STON2: variants seen among roughly 807,000 people sequenced by gnomAD.
STON2 encodes stonin-2.
Under a neutral mutation model 65.7 loss-of-function variants are expected in STON2, and 29 were observed. The ratio of observed to expected loss-of-function variants is 0.44; its 90% CI spans 0.33 to 0.60. STON2 has a LOEUF of 0.60. Among genes scored for constraint, STON2 ranks in the 20% least tolerant of loss-of-function variants. The probability of loss-of-function intolerance (pLI) is 0.03; values close to 1 mark genes in which losing one functional copy is unlikely to be tolerated. For synonymous variants in STON2, 404 were observed against 414.2 expected (o/e 0.98, Z 0.30); for missense variants, 1,054 against 1,118.1 (o/e 0.94, Z 0.82).
At chr14:81,431,941 A>G (rs1360730215) in intron 1 of STON2, among the ~76,000 whole-genome samples, 1 of 152,068 alleles carries the variant, frequency 6.6e-6, no homozygotes, top group East Asian at 1.9e-4. Context: ...GCAAAACTCT[A>G]TCTCAAAAAA....
intron 4 of STON2, among the ~76,000 whole-genome samples, chr14:81,348,905 A>T (rs1441104777): frequency 6.6e-6 from 1 of 152,086 alleles, no homozygotes; most frequent in Non-Finnish European, 1.5e-5. Flanking sequence ...CAGACCCATA[A>T]GGCCAATGGA....
At chr14:81,408,157 A>ACACACACACACACACACACGCG (rs147841517) in intron 2 of STON2, among the ~76,000 whole-genome samples, 1 of 150,410 alleles carries the variant, frequency 6.6e-6, no homozygotes, top group Non-Finnish European at 1.5e-5. Flanking sequence ...ACACACACAC[A>ACACACACACACACACACACGCG]CGCGCACACA....
chr14:81,367,188 T>C (rs554869063), intron 4 of STON2, among the ~76,000 whole-genome samples: 3 of 152,254 alleles, frequency 2.0e-5, no homozygotes, highest in Non-Finnish European at 2.9e-5. Context: ...TCTTCCTTTT[T>C]TTTTTTGTGA....
chr14:81,298,236 T>C (rs1346790472), intron 5 of STON2, among the ~76,000 whole-genome samples: 1 of 152,130 alleles, frequency 6.6e-6, no homozygotes, highest in African/African-American at 2.4e-5. Context: ...AGAAATGAGC[T>C]ATCAAGAAAT....
At position 81,264,384 on chromosome 14, in the gene STON2, T is replaced by G. The variant is rs954371391; in HGVS notation, c.*4030A>C. The stretch of plus-strand genomic sequence containing the variant: ...ATGATAAGTAAGGGTTAAGTAGCCT[T>G]CGAGTCTCAGGGTCAGTATTCTTTC... On this transcript the variant is annotated 3_prime_UTR_variant, in exon 8 of 8. Transcript: ENST00000614646. 4 of 985,364 alleles carry G rather than the reference T, an allele frequency of 4.1e-6. No homozygotes were observed. In the African/African-American group the frequency reaches 7.0e-5, roughly 17 times the overall value. The allele number at this position is 985,364 out of a possible 1,614,324, so 61.0% of individuals were successfully genotyped here.
At chr14:81,396,915 G>A (rs1255531454) in intron 2 of STON2, among the ~76,000 whole-genome samples, 3 of 152,024 alleles carry the variant, frequency 2.0e-5, no homozygotes, top group African/African-American at 4.8e-5. Flanking sequence ...AAAATTAGCC[G>A]GGCATGGTGG....
chr14:81,393,588 T>G (rs1207280795), intron 3 of STON2, among the ~76,000 whole-genome samples: 1 of 152,212 alleles, frequency 6.6e-6, no homozygotes, highest in East Asian at 1.9e-4. Context: ...CTCCACCATG[T>G]GTAATATGGA....
intron 3 of STON2, among the ~76,000 whole-genome samples, chr14:81,380,635 C>T (rs973382545): frequency 6.6e-5 from 10 of 152,042 alleles, no homozygotes; most frequent in Non-Finnish European, 8.8e-5. Flanking sequence ...TGGAATACTA[C>T]GCAGCCATAA....
intron 4 of STON2, among the ~76,000 whole-genome samples, chr14:81,363,897 C>T (rs1446555894): frequency 1.3e-5 from 2 of 152,166 alleles, no homozygotes; most frequent in African/African-American, 4.8e-5. Context: ...TGGTTTGGAG[C>T]TCTATGAGCT....
intron 3 of STON2, among the ~76,000 whole-genome samples, chr14:81,386,138 T>C (rs1361946370): frequency 2.0e-5 from 3 of 152,136 alleles, no homozygotes; most frequent in Non-Finnish European, 4.4e-5. Flanking sequence ...TGCTGAAATT[T>C]ATTCCTGGGT....
chr14:81,359,208 A>G (rs1898382929), intron 4 of STON2, among the ~76,000 whole-genome samples: 1 of 152,266 alleles, frequency 6.6e-6, no homozygotes, highest in South Asian at 2.1e-4. Flanking sequence ...ACCACAGTGT[A>G]AACAAATGGA....
chr14:81,384,596 C>T (rs575668051), intron 3 of STON2, among the ~76,000 whole-genome samples: 15 of 152,236 alleles, frequency 9.9e-5, no homozygotes, highest in African/African-American at 3.4e-4. Flanking sequence ...CTCCCTGTCC[C>T]CCCGCAGAAT....
At chr14:81,409,354 G>A (rs1222624222) in intron 2 of STON2, among the ~76,000 whole-genome samples, 6 of 151,580 alleles carry the variant, frequency 4.0e-5, no homozygotes, top group Non-Finnish European at 7.4e-5. Flanking sequence ...GCAGTGAGCC[G>A]AGACTGCACT....
Position 81,277,704 on chromosome 14 carries a change from T to TCGTAATTGGTGGTGCCCA in STON2, c.1760_1777dup (p.Tyr592_Asp593insValGlyThrThrAsnTyr), listed in dbSNP as rs1287792852. On this transcript the variant is annotated inframe_insertion, in exon 6 of 8. Coordinates refer to ENST00000614646, the MANE Select transcript of STON2 (RefSeq NM_001394390.1). ...TGCATGGATGAAACTCAGGAAGTCA[T>TCGTAATTGGTGGTGCCCA]CGTAATTGGTGGTGCCCAGCTTAAT... The TCGTAATTGGTGGTGCCCA allele has an allele frequency of 1.9e-6, 3 of 1,614,006 alleles. No homozygotes were observed. In the African/African-American group the frequency reaches 4.0e-5, roughly 22 times the overall value.
intron 4 of STON2, among the ~76,000 whole-genome samples, chr14:81,356,066 G>A (rs1425511662): frequency 2.0e-5 from 3 of 152,286 alleles, no homozygotes; most frequent in Non-Finnish European, 4.4e-5. Context: ...TGGTGAGAGA[G>A]GGCATTCCTG....
intron 7 of STON2, chr14:81,269,999 G>A (rs1894507519): frequency 2.0e-6 from 2 of 984,934 alleles, no homozygotes; most frequent in Admixed American, 1.2e-4. Flanking sequence ...TATGCTTTGG[G>A]ATAGCATTTT....
intron 2 of STON2, among the ~76,000 whole-genome samples, chr14:81,423,597 C>T (rs951995177): frequency 1.3e-5 from 2 of 152,144 alleles, no homozygotes; most frequent in Non-Finnish European, 2.9e-5. Flanking sequence ...GCGGAGGATA[C>T]GTCCTTCCCT....
At chr14:81,406,482 G>C (rs1374692311) in intron 2 of STON2, among the ~76,000 whole-genome samples, 1 of 152,032 alleles carries the variant, frequency 6.6e-6, no homozygotes, top group Non-Finnish European at 1.5e-5. Context: ...GGCTGCTTTT[G>C]GTCTACAATA....
intron 4 of STON2, among the ~76,000 whole-genome samples, chr14:81,361,920 G>T (rs1826496924): frequency 6.6e-6 from 1 of 152,066 alleles, no homozygotes; most frequent in Non-Finnish European, 1.5e-5. Flanking sequence ...TTAGGGGAAT[G>T]CAAATTAAAA....
Sources: allele counts gnomAD v4.1 joint callset (sites outside exome capture counted in the v4.1 genomes callset), GRCh38; gene constraint gnomAD v4.1.1; transcripts MANE v1.5; gene names NCBI Gene and HGNC (gene_info 2026-07-23, HGNC 2026-07-21).